Variants in C1orf198 observed in about 807,000 individuals in gnomAD.
C1orf198 encodes uncharacterized protein C1orf198.
A neutral mutation model predicts 31.4 loss-of-function variants in C1orf198; 17 were observed. The observed-to-expected ratio is 0.54, with a 90% confidence interval of 0.37 to 0.81. The LOEUF is 0.81. Ranked by LOEUF, C1orf198 falls within the 40% of genes least tolerant of loss-of-function variation. The pLI, the probability that C1orf198 is intolerant of heterozygous loss-of-function variation, is 0.00. For synonymous variants in C1orf198, 175 were observed against 193.8 expected, an observed-to-expected ratio of 0.90 and a Z score of 0.81; for missense variants, 401 against 450.3, an observed-to-expected ratio of 0.89 and a Z score of 0.99.
At chr1:230,844,337 C>T (rs1308543171) in intron 2 of C1orf198, among the ~76,000 whole-genome samples, 3 of 151,974 alleles carry the variant, frequency 2.0e-5, no homozygotes, top group Admixed American at 1.3e-4. Flanking sequence ...CTCCCTCTTG[C>T]TCCTGCTCTG....
At chr1:230,869,005 T>A (rs1670196113), upstream of C1orf198, 1 of 152,356 alleles carries the variant, frequency 6.6e-6, no homozygotes, top group South Asian at 2.1e-4. Context: ...CTGGCTTCTG[T>A]TTTTACTCCT....
At chr1:230,848,508 G>A (rs1419352082) in intron 2 of C1orf198, among the ~76,000 whole-genome samples, 5 of 152,106 alleles carry the variant, frequency 3.3e-5, no homozygotes, top group South Asian at 2.1e-4. Context: ...CTCCAGTTAA[G>A]TGTGTTGTGT....
At chr1:230,849,614 G>A (rs117359305) in intron 2 of C1orf198, among the ~76,000 whole-genome samples, 7 of 152,182 alleles carry the variant, frequency 4.6e-5, no homozygotes, top group African/African-American at 1.4e-4. Flanking sequence ...GACCACAACC[G>A]AGCCCAGTGT....
At chr1:230,865,712 G>C (rs1670103859) in intron 1 of C1orf198, among the ~76,000 whole-genome samples, 2 of 152,240 alleles carry the variant, frequency 1.3e-5, no homozygotes, top group South Asian at 4.1e-4. Context: ...ACTTCAGTGA[G>C]TGAACTGAGC....
At chr1:230,842,057 T>C (rs1048317513) in intron 3 of C1orf198, among the ~76,000 whole-genome samples, 1 of 152,160 alleles carries the variant, frequency 6.6e-6, no homozygotes, top group Non-Finnish European at 1.5e-5. Context: ...ATGGTGCTAC[T>C]TATATGAGGT....
At chr1:230,849,198 T>C (rs892807574) in intron 2 of C1orf198, among the ~76,000 whole-genome samples, 6 of 152,186 alleles carry the variant, frequency 3.9e-5, no homozygotes, top group African/African-American at 1.4e-4. Flanking sequence ...GTCCATTTTC[T>C]ACAGGTGTGG....
chr1:230,841,045 T>G (rs976763201), intron 3 of C1orf198, among the ~76,000 whole-genome samples: 3 of 152,234 alleles, frequency 2.0e-5, no homozygotes, highest in Non-Finnish European at 2.9e-5. Context: ...GAGTGGGGAC[T>G]ATCACCTATT....
At chr1:230,859,034 T>G (rs941164403) in intron 1 of C1orf198, among the ~76,000 whole-genome samples, 1 of 152,164 alleles carries the variant, frequency 6.6e-6, no homozygotes, top group Non-Finnish European at 1.5e-5. Context: ...TTCCTTGGGT[T>G]TCTGTAATTC....
chr1:230,862,390 C>A (rs1670023237), intron 1 of C1orf198, among the ~76,000 whole-genome samples: 1 of 152,170 alleles, frequency 6.6e-6, no homozygotes, highest in Non-Finnish European at 1.5e-5. Flanking sequence ...CCCAGATGAA[C>A]TGAAGACTTA....
chr1:230,868,172 G>A lies in C1orf198; in HGVS notation c.333+8C>T. 3.6e-6 allele frequency: 5 copies of A among 1,378,604 alleles called. No homozygotes were observed. Among genetic ancestry groups the A allele is most frequent in the South Asian group, 1.3e-5 (1 of 78,026 alleles). 85.4% of individuals were successfully genotyped at this position (1,378,604 alleles called of 1,614,324 possible). The stretch of plus-strand genomic sequence containing the variant: ...GGGAAGAGGGTCCGCGGCCAGGCCC[G>A]CACCTACCTCGTCCCCGAAGCGCAC... On this transcript the variant is annotated splice_region_variant and intron_variant, in intron 1 of 3. Transcript: ENST00000366663.
chr1:230,854,527 C>T lies in C1orf198; in HGVS notation c.384+1141G>A, dbSNP rs575413799. ...CACCCCTGCAACCCGTACCCGATCC[C>T]TAGGGAGACTACATTAATGCCATGC... On this transcript the variant is annotated intron_variant, in intron 2 of 3. Coordinates refer to ENST00000366663, the MANE Select transcript of C1orf198 (RefSeq NM_032800.3). Among the ~76,000 whole-genome samples, 3 of 152,286 alleles carry T rather than the reference C, an allele frequency of 2.0e-5. No individual in the cohort carries two copies. In the South Asian group the frequency reaches 6.2e-4, roughly 32 times the overall value.
intron 2 of C1orf198, among the ~76,000 whole-genome samples, chr1:230,844,324 T>C (rs1420439189): frequency 6.6e-6 from 1 of 151,956 alleles, no homozygotes; most frequent in Non-Finnish European, 1.5e-5. Context: ...TCCCCCTGAC[T>C]CTCTCCCTCT....
Position 230,840,173 on chromosome 1 carries a change from G to T in C1orf198, c.928-265C>A, listed in dbSNP as rs1256645629. Among the ~76,000 whole-genome samples the T allele has an allele frequency of 6.6e-6, 1 of 152,092 alleles. No individual in the cohort carries two copies. The highest frequency in any genetic ancestry group is 2.4e-5 in the African/African-American group (1 of 41,420). The stretch of plus-strand genomic sequence containing the variant: ...CAGCTTACAGACCTTACAGAGAAAA[G>T]AACAATGTCTCTGTATTTTTCTATA... On this transcript the variant is annotated intron_variant, in intron 3 of 3. Transcript: ENST00000366663. This position sits in a 1 kb window ranked among gnomAD's most constrained non-coding sequence, Gnocchi z 4.0.
At position 230,855,613 on chromosome 1, in the gene C1orf198, C is replaced by G. The variant is rs1026123427; in HGVS notation, c.384+55G>C. ...CATCAAATGCTGAAAGAAAAATATA[C>G]AACTACTCAGTTCTTTTTAAAAGAA... On this transcript the variant is annotated intron_variant, in intron 2 of 3. Coordinates refer to ENST00000366663, the MANE Select transcript of C1orf198 (RefSeq NM_032800.3). 38 of 1,572,790 alleles carry G rather than the reference C, an allele frequency of 2.4e-5. No homozygotes were observed. In the South Asian group the frequency reaches 3.7e-4, roughly 15 times the overall value.
Position 230,868,416 on chromosome 1 carries a change from A to C in C1orf198, c.97T>G (p.Phe33Val), listed in dbSNP as rs1049871816. 1 of 1,590,804 alleles carries C rather than the reference A, an allele frequency of 6.3e-7. No homozygotes were observed. The highest frequency in any genetic ancestry group is 1.4e-5 in the African/African-American group (1 of 71,980). ...CTGGCCATGGGGCTCAGCGACGAGAAGTAAGTGAAGCGCTTTCGCTCCCGG... is the reference window on the plus strand; with the variant it reads ...CTGGCCATGGGGCTCAGCGACGAGACGTAAGTGAAGCGCTTTCGCTCCCGG... ...DDRERKRFTY[F>V]SSLSPMARKI... The change falls in exon 1 of 4, where the codon TTC (phenylalanine) becomes GTC (valine). Residue 33 changes from phenylalanine to valine, a missense_variant. Coordinates refer to ENST00000366663, the MANE Select transcript of C1orf198 (RefSeq NM_032800.3).
chr1:230,858,024 C>T lies in C1orf198; in HGVS notation c.334-2306G>A, dbSNP rs371587186. On this transcript the variant is annotated intron_variant, in intron 1 of 3. Transcript: ENST00000366663. ...CCTTTAAAAATGAGAGGAACCACTG[C>T]CTTTTTGTTTGGAATTTCAGTTAAA... Among the ~76,000 whole-genome samples the T allele has an allele frequency of 2.0e-5, 3 of 152,212 alleles. No individual in the cohort carries two copies. The East Asian group carries it at 5.8e-4, about 29-fold the overall frequency.
chr1:230,847,592 C>T (rs998269424), intron 2 of C1orf198, among the ~76,000 whole-genome samples: 6 of 152,004 alleles, frequency 3.9e-5, no homozygotes, highest in South Asian at 2.1e-4. Flanking sequence ...TGGAAGCTGC[C>T]GGGAGCAATG....
intron 1 of C1orf198, among the ~76,000 whole-genome samples, chr1:230,863,584 G>A (rs1461185225): frequency 6.6e-6 from 1 of 152,228 alleles, no homozygotes; most frequent in East Asian, 1.9e-4. Flanking sequence ...TTCCCTGGCT[G>A]CCACTGGGCC....
intron 1 of C1orf198, among the ~76,000 whole-genome samples, chr1:230,858,673 C>T (rs1473850631): frequency 6.6e-6 from 1 of 152,256 alleles, no homozygotes; most frequent in Non-Finnish European, 1.5e-5. Context: ...GCGGGGCAGG[C>T]AGAGGGCAGG....
Sources: gnomAD v4.1 joint callset for allele counts (sites outside exome capture counted in the v4.1 genomes callset) on GRCh38, gnomAD v4.1.1 for gene constraint, Gnocchi (gnomAD v3.1) non-coding constraint, MANE v1.5 for transcripts, NCBI Gene and HGNC (gene_info 2026-07-23, HGNC 2026-07-21) for gene names.